The following ATP2C1 variants were observed in gnomAD, a reference collection of about 807,000 sequenced individuals.
The protein encoded by ATP2C1 is ATPase secretory pathway Ca2+ transporting 1, also known as calcium-transporting ATPase type 2C member 1.
In ATP2C1, 31 loss-of-function variants were observed where a neutral mutation model predicts 120.5. The ratio of observed to expected loss-of-function variants is 0.26; its 90% CI spans 0.19 to 0.35. The LOEUF is 0.35. ATP2C1 is among the 10% of genes least tolerant of loss of function. The probability of loss-of-function intolerance (pLI) is 1.00; values close to 1 mark genes in which losing one functional copy is unlikely to be tolerated. For missense variants in ATP2C1, 731 were observed against 1,107.5 expected (o/e 0.66, Z 4.83); for synonymous variants, 351 against 358.7 (o/e 0.98, Z 0.24).
chr3:130,974,516 G>A (rs1222803361), intron 17 of ATP2C1, among the ~76,000 whole-genome samples: 1 of 152,228 alleles, frequency 6.6e-6, no homozygotes, highest in African/African-American at 2.4e-5. Flanking sequence ...GACGGCAATA[G>A]GGAAATACAT....
chr3:131,010,573 G>C (rs2063283631), intron 26 of ATP2C1, among the ~76,000 whole-genome samples: 1 of 152,094 alleles, frequency 6.6e-6, no homozygotes, highest in African/African-American at 2.4e-5. Context: ...TCTGAACATA[G>C]GAAAAAGGGC....
chr3:130,867,406 C>T (rs1035392460), intron 1 of ATP2C1, among the ~76,000 whole-genome samples: 2 of 151,028 alleles, frequency 1.3e-5, no homozygotes, highest in Non-Finnish European at 2.9e-5. Flanking sequence ...CTGCAACCTC[C>T]CTGCCTGATT....
intron 11 of ATP2C1, among the ~76,000 whole-genome samples, chr3:130,956,993 A>T (rs1460048396): frequency 6.6e-6 from 1 of 152,128 alleles, no homozygotes; most frequent in Non-Finnish European, 1.5e-5. Context: ...CCTTTGAGGC[A>T]TGTGGAATAA....
intron 8 of ATP2C1, among the ~76,000 whole-genome samples, chr3:130,942,889 C>T (rs1035309153): frequency 6.6e-6 from 1 of 152,158 alleles, no homozygotes; most frequent in Non-Finnish European, 1.5e-5. Flanking sequence ...TCTTCCCCCT[C>T]CCCCAGAAAA....
At chr3:130,888,126 T>C (rs903457207) in intron 1 of ATP2C1, among the ~76,000 whole-genome samples, 13 of 152,158 alleles carry the variant, frequency 8.5e-5, no homozygotes, top group African/African-American at 3.1e-4. Context: ...AGACGTGTCA[T>C]CTATGAGTTA....
chr3:130,919,466 G>A (rs947154864), intron 2 of ATP2C1, among the ~76,000 whole-genome samples: 1 of 152,082 alleles, frequency 6.6e-6, no homozygotes, highest in Non-Finnish European at 1.5e-5. Context: ...TGATCCGCCT[G>A]CCTCAGCCTC....
At chr3:130,986,614 G>A (rs543404416) in intron 20 of ATP2C1, among the ~76,000 whole-genome samples, 1 of 152,314 alleles carries the variant, frequency 6.6e-6, no homozygotes, top group East Asian at 1.9e-4. Flanking sequence ...CCTAAGCCCT[G>A]TCAGAAGCTC....
intron 20 of ATP2C1, among the ~76,000 whole-genome samples, chr3:130,981,167 C>T (rs185125421): frequency 6.6e-6 from 1 of 152,148 alleles, no homozygotes; most frequent in East Asian, 1.9e-4. Flanking sequence ...TTCCATCATC[C>T]CCCCAGATTA....
chr3:130,911,233 C>T (rs1302637649), intron 2 of ATP2C1, among the ~76,000 whole-genome samples: 27 of 140,592 alleles, frequency 1.9e-4, no homozygotes, highest in Admixed American at 1.0e-3. Context: ...AGTTTATTTG[C>T]GTAGAGGTGT....
chr3:130,994,184 G>T, intron 22 of ATP2C1, 86 bp downstream of exon 22: 3 of 1,505,412 alleles, frequency 2.0e-6, no homozygotes, highest in African/African-American at 1.4e-5. Flanking sequence ...AACTGGAAAA[G>T]AATTAGTATT....
At chr3:130,904,022 T>C (rs1049486577) in intron 2 of ATP2C1, among the ~76,000 whole-genome samples, 1 of 152,014 alleles carries the variant, frequency 6.6e-6, no homozygotes, top group Admixed American at 6.6e-5. Flanking sequence ...TAGTTAACTG[T>C]TGGATGCAAA....
chr3:130,933,266 ATTCT>A (rs58860893), intron 4 of ATP2C1, among the ~76,000 whole-genome samples: 81,869 of 151,468 alleles, frequency 0.54, 22,556 homozygotes, highest in Middle Eastern at 0.67. Context: ...GCACTGGGTG[ATTCT>A]TTATTCCTCT....
intron 8 of ATP2C1, among the ~76,000 whole-genome samples, chr3:130,947,290 A>G (rs1457341967): frequency 2.0e-5 from 3 of 152,292 alleles, no homozygotes; most frequent in Non-Finnish European, 1.5e-5. Flanking sequence ...TTGAGATATA[A>G]TGTGCATATC....
downstream of ATP2C1, among the ~76,000 whole-genome samples, chr3:131,005,762 T>C (rs1047137765): frequency 6.6e-6 from 1 of 152,234 alleles, no homozygotes; most frequent in Non-Finnish European, 1.5e-5. Context: ...TTAGCATAGT[T>C]ATTAATCAGC....
intron 26 of ATP2C1, chr3:131,014,531 A>G (rs966953788): frequency 1.2e-6 from 1 of 844,000 alleles, no homozygotes; most frequent in Non-Finnish European, 1.7e-6. Flanking sequence ...CTTAAGAATA[A>G]TCTGTTCTTT....
chr3:130,937,574 A>G (rs1389237093), intron 6 of ATP2C1, 111 bp downstream of exon 6: 2 of 879,112 alleles, frequency 2.3e-6, no homozygotes, highest in East Asian at 4.9e-5. Flanking sequence ...CATCAGAACA[A>G]CTTATTCTTT....
chr3:130,992,361 G>T (rs780285562), intron 20 of ATP2C1, among the ~76,000 whole-genome samples: 2 of 152,130 alleles, frequency 1.3e-5, no homozygotes, highest in Non-Finnish European at 2.9e-5. Context: ...GAGATTTGTT[G>T]GAACACAGTG....
intron 1 of ATP2C1, among the ~76,000 whole-genome samples, chr3:130,877,612 C>T (rs34023162): frequency 0.18 from 27,110 of 149,886 alleles, 2,624 homozygotes; most frequent in Middle Eastern, 0.25. Flanking sequence ...CCAGTTAGAA[C>T]GGGATCATTA....
At chr3:131,003,738 TGCC>T (rs2062996504), downstream of ATP2C1, among the ~76,000 whole-genome samples, 1 of 152,192 alleles carries the variant, frequency 6.6e-6, no homozygotes, top group African/African-American at 2.4e-5. Flanking sequence ...TTACCTGCCA[TGCC>T]CATGTAGGGT....
Sources: gnomAD v4.1 joint callset for allele counts (sites outside exome capture counted in the v4.1 genomes callset) on GRCh38, gnomAD v4.1.1 for gene constraint, MANE v1.5 for transcripts, NCBI Gene and HGNC (gene_info 2026-07-23, HGNC 2026-07-21) for gene names.